The following MARCHF5 variants were observed in gnomAD, a reference collection of about 807,000 sequenced individuals.
MARCHF5 encodes membrane associated ring-CH-type finger 5.
In MARCHF5, 5 loss-of-function variants were observed where a neutral mutation model predicts 36.5. The ratio of observed to expected loss-of-function variants is 0.14; its 90% CI spans 0.07 to 0.29. MARCHF5 has a LOEUF of 0.29. Among genes scored for constraint, MARCHF5 ranks in the 10% least tolerant of loss-of-function variants. The pLI, the probability that MARCHF5 is intolerant of heterozygous loss-of-function variation, is 1.00. For synonymous variants in MARCHF5, 103 were observed against 109.9 expected (o/e 0.94, Z 0.39); for missense variants, 179 against 336.3 (o/e 0.53, Z 3.66).
chr10:92,294,072 T>TA (rs1442641143), intron 1 of MARCHF5, among the ~76,000 whole-genome samples: 1 of 151,958 alleles, frequency 6.6e-6, no homozygotes, highest in Non-Finnish European at 1.5e-5. Context: ...AAAATTTCTG[T>TA]AGGGTAGAGC....
At chr10:92,332,573 T>C (rs1188254240) in intron 2 of MARCHF5, among the ~76,000 whole-genome samples, 1 of 136,046 alleles carries the variant, frequency 7.4e-6, no homozygotes, top group Non-Finnish European at 1.5e-5. Context: ...CAGGCTAGAG[T>C]GCAATGGCGC....
intron 2 of MARCHF5, among the ~76,000 whole-genome samples, chr10:92,336,668 C>G (rs1365839417): frequency 6.6e-6 from 1 of 152,058 alleles, no homozygotes; most frequent in Non-Finnish European, 1.5e-5. Context: ...CATGGTGGCA[C>G]ACACCTGTAG....
chr10:92,313,222 G>A (rs757662074), intron 2 of MARCHF5, among the ~76,000 whole-genome samples: 16 of 151,550 alleles, frequency 1.1e-4, no homozygotes, highest in Non-Finnish European at 1.6e-4. Flanking sequence ...CGACAGAGCC[G>A]AGACTCCATC....
chr10:92,291,322 C>G lies in MARCHF5; in HGVS notation c.-173C>G. The G allele has an allele frequency of 3.2e-6, 2 of 619,782 alleles. No homozygotes were observed. Among genetic ancestry groups the G allele is most frequent in the Middle Eastern group, 4.2e-4 (1 of 2,364 alleles). The allele number at this position is 619,782 out of a possible 1,614,324, so 38.4% of individuals were successfully genotyped here. ...CTCCGCCGCCTCCGCCGGACTCCCG[C>G]AGGCCCTGCACCGCCGCCGCCAGGC... On this transcript the variant is annotated 5_prime_UTR_variant, in exon 1 of 6. Coordinates refer to ENST00000358935, the MANE Select transcript of MARCHF5 (RefSeq NM_017824.5).
At chr10:92,326,319 C>T (rs991015898) in intron 2 of MARCHF5, among the ~76,000 whole-genome samples, 6 of 152,042 alleles carry the variant, frequency 3.9e-5, no homozygotes, top group African/African-American at 1.4e-4. Flanking sequence ...TTAAACCTCT[C>T]GAAAGCTCTG....
chr10:92,314,727 T>TTGC (rs1196317070), intron 2 of MARCHF5, among the ~76,000 whole-genome samples: 2 of 130,392 alleles, frequency 1.5e-5, no homozygotes, highest in Non-Finnish European at 3.2e-5. Flanking sequence ...AACAGAGTAT[T>TTGC]TGCTGCTGCT....
chr10:92,321,101 G>A (rs190648836), intron 2 of MARCHF5, among the ~76,000 whole-genome samples: 20 of 152,136 alleles, frequency 1.3e-4, no homozygotes, highest in Middle Eastern at 6.8e-3. Context: ...AAGAGCAGTA[G>A]GCTATACCAT....
At chr10:92,301,078 G>C (rs981142313) in intron 1 of MARCHF5, among the ~76,000 whole-genome samples, 2 of 151,882 alleles carry the variant, frequency 1.3e-5, no homozygotes, top group African/African-American at 2.4e-5. Flanking sequence ...GTAGAAACAG[G>C]GTTTCACTGT....
intron 2 of MARCHF5, among the ~76,000 whole-genome samples, chr10:92,322,690 C>T (rs529171691): frequency 1.5e-4 from 23 of 150,792 alleles, no homozygotes; most frequent in Non-Finnish European, 2.4e-4. Context: ...CTCAAGTAAT[C>T]AGCCCAGCTA....
At chr10:92,317,503 G>T (rs1378869230) in intron 2 of MARCHF5, among the ~76,000 whole-genome samples, 1 of 151,742 alleles carries the variant, frequency 6.6e-6, no homozygotes, top group African/African-American at 2.4e-5. Flanking sequence ...TTGATACATT[G>T]TGTAAATGGA....
intron 2 of MARCHF5, among the ~76,000 whole-genome samples, chr10:92,315,035 C>T (rs1380503363): frequency 6.6e-6 from 1 of 152,202 alleles, no homozygotes; most frequent in Non-Finnish European, 1.5e-5. Context: ...GTGGTGGGCT[C>T]TTCATTGCTG....
At chr10:92,324,803 G>A (rs1375514648) in intron 2 of MARCHF5, among the ~76,000 whole-genome samples, 1 of 151,848 alleles carries the variant, frequency 6.6e-6, no homozygotes. Flanking sequence ...TTTCCCAGAT[G>A]TCCTTCTGTT....
chr10:92,346,675 G>T (rs1470684041), intron 3 of MARCHF5, among the ~76,000 whole-genome samples: 1 of 151,474 alleles, frequency 6.6e-6, no homozygotes, highest in Non-Finnish European at 1.5e-5. Flanking sequence ...TAGAAACGGG[G>T]TTCCACCATG....
At position 92,302,191 on chromosome 10, in the gene MARCHF5, G is replaced by A. The variant is rs370961243; in HGVS notation, c.36-8944G>A. 1.4e-4 allele frequency among the ~76,000 whole-genome samples: 22 copies of A among 152,254 alleles called. No individual in the cohort carries two copies. The East Asian group carries it at 4.1e-3, about 28-fold the overall frequency. ...TTTTTTTTCCAAATGTATTTTACCT[G>A]AGATTAGTTGAATGAACAGATGCAG... is the stretch of plus-strand genomic sequence containing the variant. On this transcript the variant is annotated intron_variant, in intron 1 of 5. Transcript: ENST00000358935.
In MARCHF5 at chr10:92,353,717, CTT is replaced by C. The variant is rs1015552970; in HGVS notation, c.*2513_*2514del. 2.7e-5 allele frequency: 4 copies of C among 147,550 alleles called. No homozygotes were observed. Among genetic ancestry groups the C allele is most frequent in the African/African-American group, 7.7e-5 (3 of 38,796 alleles). The allele number at this position is 147,550 out of a possible 1,614,324, so 9.1% of individuals were successfully genotyped here. Reference sequence around the variant, plus strand: ...CTGGAAACTTTAATGTTTTAAACCTCTTTTATAAAATTCAATGACGACTACTA... The same window carrying C: ...CTGGAAACTTTAATGTTTTAAACCTCTTATAAAATTCAATGACGACTACTA... On this transcript the variant is annotated 3_prime_UTR_variant, in exon 6 of 6. Transcript: ENST00000358935.
intron 2 of MARCHF5, among the ~76,000 whole-genome samples, chr10:92,328,937 A>AT (rs1843404765): frequency 6.6e-6 from 1 of 151,518 alleles, no homozygotes; most frequent in South Asian, 2.1e-4. Flanking sequence ...ATCAGTGTGT[A>AT]TAGGTGTTAT....
At chr10:92,328,472 C>G (rs1843394274) in intron 2 of MARCHF5, among the ~76,000 whole-genome samples, 1 of 150,334 alleles carries the variant, frequency 6.7e-6, no homozygotes, top group Non-Finnish European at 1.5e-5. Context: ...ACTGATATAG[C>G]TGGATTTTTA....
intron 2 of MARCHF5, among the ~76,000 whole-genome samples, chr10:92,315,379 G>T (rs1047606025): frequency 4.6e-5 from 7 of 152,204 alleles, no homozygotes; most frequent in Admixed American, 4.6e-4. Context: ...TTCTGTCTGA[G>T]CACATTTGTC....
chr10:92,322,285 T>TTTTTTC (rs1843299270), intron 2 of MARCHF5, among the ~76,000 whole-genome samples: 1 of 143,092 alleles, frequency 7.0e-6, no homozygotes, highest in African/African-American at 2.6e-5. Context: ...TTTGTCAGAG[T>TTTTTTC]TTTTTCTTTC....
Sources: allele counts gnomAD v4.1 joint callset (sites outside exome capture counted in the v4.1 genomes callset), GRCh38; gene constraint gnomAD v4.1.1; transcripts MANE v1.5; gene names NCBI Gene and HGNC (gene_info 2026-07-23, HGNC 2026-07-21).